The following SLC38A9 variants were observed in gnomAD, a reference collection of about 807,000 sequenced individuals.
The protein encoded by SLC38A9 is solute carrier family 38 member 9.
SLC38A9 carries 48 observed loss-of-function variants against 62.3 expected under a neutral mutation model. The ratio of observed to expected loss-of-function variants is 0.77; its 90% CI spans 0.61 to 0.98. The LOEUF (loss-of-function observed/expected upper bound fraction) is 0.98. Among genes scored for constraint, SLC38A9 ranks in the 50% least tolerant of loss-of-function variants. The pLI is 0.00. For missense variants in SLC38A9, 541 were observed against 679.8 expected (o/e 0.80, Z 2.27); for synonymous variants, 204 against 227.7 (o/e 0.90, Z 0.94).
intron 7 of SLC38A9, chr5:55,665,066 T>G: frequency 6.8e-6 from 2 of 292,572 alleles, no homozygotes; most frequent in Non-Finnish European, 1.2e-5. Context: ...ACAGATAACC[T>G]GAGAAACAGA....
At chr5:55,685,782 C>T (rs1200911973) in intron 3 of SLC38A9, among the ~76,000 whole-genome samples, 2 of 152,152 alleles carry the variant, frequency 1.3e-5, no homozygotes, top group Non-Finnish European at 2.9e-5. Context: ...TCCCTCCTCC[C>T]ACCCTCCACC....
intron 3 of SLC38A9, among the ~76,000 whole-genome samples, chr5:55,687,712 T>G (rs1380266777): frequency 6.6e-6 from 1 of 152,104 alleles, no homozygotes; most frequent in Non-Finnish European, 1.5e-5. Flanking sequence ...ATGTATTTAT[T>G]TATTTTGAGA....
chr5:55,633,363 A>C (rs1380267219), intron 14 of SLC38A9: 1 of 155,520 alleles, frequency 6.4e-6, no homozygotes, highest in East Asian at 1.9e-4. Context: ...TTCAGAGGGC[A>C]AAGGGGAAGT....
chr5:55,631,894 C>T (rs185728477), intron 14 of SLC38A9, among the ~76,000 whole-genome samples: 1 of 151,358 alleles, frequency 6.6e-6, no homozygotes, highest in Admixed American at 6.6e-5. Flanking sequence ...TAGGAGTTAA[C>T]CAAAGGTCCA....
intron 7 of SLC38A9, 82 bp downstream of exon 7, chr5:55,669,146 A>G (rs7737254): frequency 0.64 from 580,637 of 902,848 alleles, 188,975 homozygotes; most frequent in South Asian, 0.7. Flanking sequence ...ACACACATGT[A>G]GCATATACAC....
chr5:55,653,727 C>T (rs1471621461), intron 9 of SLC38A9, among the ~76,000 whole-genome samples: 1 of 151,702 alleles, frequency 6.6e-6, no homozygotes, highest in Admixed American at 6.6e-5. Flanking sequence ...GGTGCGATCT[C>T]GGCTCACTGC....
At chr5:55,659,378 G>GA (rs1554057103) in intron 8 of SLC38A9, among the ~76,000 whole-genome samples, 4 of 125,572 alleles carry the variant, frequency 3.2e-5, no homozygotes, top group African/African-American at 8.6e-5. Context: ...AACTGGAAAG[G>GA]TTTTTTTTTT....
At chr5:55,682,729 C>A (rs115051930) in intron 3 of SLC38A9, among the ~76,000 whole-genome samples, 11 of 152,096 alleles carry the variant, frequency 7.2e-5, no homozygotes, top group Admixed American at 7.2e-4. Flanking sequence ...GTGCTATGAT[C>A]GTGCCACTGC....
rs1742413382 is a variant in SLC38A9, at chr5:55,626,422, G to C, written c.*72C>G. 1 of 1,262,828 alleles carries C rather than the reference G, an allele frequency of 7.9e-7. No homozygotes were observed. The highest frequency in any genetic ancestry group is 2.3e-5 in the East Asian group (1 of 42,686). The allele number at this position is 1,262,828 out of a possible 1,614,324, so 78.2% of individuals were successfully genotyped here. A position where few individuals can be genotyped will look rare whatever the true frequency, so the allele number is the denominator to read the frequency against. The stretch of plus-strand genomic sequence containing the variant: ...AATTACACAACAGCAGCATTTACAA[G>C]TGAATTTATATAGAACTGTTGTCAA... On this transcript the variant is annotated 3_prime_UTR_variant, in exon 16 of 16. Transcript: ENST00000396865.
At chr5:55,687,239 A>G (rs977437085) in intron 3 of SLC38A9, among the ~76,000 whole-genome samples, 1 of 150,862 alleles carries the variant, frequency 6.6e-6, no homozygotes, top group African/African-American at 2.4e-5. Context: ...GGAGATCGAG[A>G]CCACGGTGAA....
At chr5:55,676,032 A>G (rs560479429) in intron 3 of SLC38A9, among the ~76,000 whole-genome samples, 2 of 152,318 alleles carry the variant, frequency 1.3e-5, no homozygotes, top group South Asian at 4.1e-4. Flanking sequence ...TAGGGAAATT[A>G]TTATACAAAG....
intron 3 of SLC38A9, among the ~76,000 whole-genome samples, chr5:55,679,162 G>T (rs4865970): frequency 3.3e-5 from 5 of 151,744 alleles, no homozygotes; most frequent in Non-Finnish European, 5.9e-5. Flanking sequence ...AAGTATAGAA[G>T]TATATGTACA....
chr5:55,633,793 A>G lies in SLC38A9; in HGVS notation c.1391T>C (p.Val464Ala), dbSNP rs1743916906. The change falls in exon 14 of 16, where the codon GTC becomes GCC. Residue 464 changes from valine (V) to alanine (A), a missense_variant. By Grantham distance (64) the Val-to-Ala change is moderately conservative (BLOSUM62 0). Coordinates refer to ENST00000396865, the MANE Select transcript of SLC38A9 (RefSeq NM_173514.4). ...VYPLLGYLAR[V>A]QLLGHIFGDI... ...ACCGAAGATATGGCCCAAAAGCTGG[A>G]CACGAGCCAGGTAGCCTAAGAGTGG... 3.7e-6 allele frequency: 6 copies of G among 1,614,186 alleles called. No individual in the cohort carries two copies. In the East Asian group the frequency reaches 8.9e-5, roughly 24 times the overall value.
intron 3 of SLC38A9, among the ~76,000 whole-genome samples, chr5:55,678,124 G>A (rs1398557245): frequency 6.8e-6 from 1 of 147,212 alleles, no homozygotes; most frequent in African/African-American, 2.5e-5. Context: ...CACAAAAGGT[G>A]AACAAGGTTA....
chr5:55,640,873 G>A (rs1745350449), intron 12 of SLC38A9, among the ~76,000 whole-genome samples: 1 of 152,194 alleles, frequency 6.6e-6, no homozygotes, highest in African/African-American at 2.4e-5. Context: ...TTTCACTCTT[G>A]TTGCCCATGC....
At chr5:55,652,480 C>G in intron 10 of SLC38A9, 49 bp downstream of exon 10, 1 of 1,210,312 alleles carries the variant, frequency 8.3e-7, no homozygotes, top group Non-Finnish European at 1.1e-6. Context: ...CTAGACTCCA[C>G]CACGTATTCT....
At chr5:55,698,943 T>TCAAA (rs60722359) in intron 2 of SLC38A9, among the ~76,000 whole-genome samples, 90,674 of 151,296 alleles carry the variant, frequency 0.6, 27,737 homozygotes, top group South Asian at 0.7. Context: ...CTGTCTCAAA[T>TCAAA]CAAACAAAAA....
chr5:55,629,965 G>C (rs1743141586), intron 14 of SLC38A9, among the ~76,000 whole-genome samples: 1 of 152,118 alleles, frequency 6.6e-6, no homozygotes, highest in Non-Finnish European at 1.5e-5. Flanking sequence ...TTTTCCAAAT[G>C]ATCAAACAGA....
intron 14 of SLC38A9, among the ~76,000 whole-genome samples, chr5:55,629,359 C>T (rs958249118): frequency 5.3e-5 from 8 of 152,062 alleles, no homozygotes; most frequent in African/African-American, 9.7e-5. Context: ...TCACCATGAC[C>T]GGCTAACACC....
Sources: gnomAD v4.1 joint callset for allele counts (sites outside exome capture counted in the v4.1 genomes callset) on GRCh38, gnomAD v4.1.1 for gene constraint, MANE v1.5 for transcripts, NCBI Gene and HGNC (gene_info 2026-07-23, HGNC 2026-07-21) for gene names.